The following PPAT variants were observed in gnomAD, a reference collection of about 807,000 sequenced individuals.
PPAT encodes amidophosphoribosyltransferase.
In PPAT, 20 loss-of-function variants were observed where a neutral mutation model predicts 60.2. The ratio of observed to expected loss-of-function variants is 0.33; its 90% confidence interval spans 0.23 to 0.48. The LOEUF is 0.48. Among genes scored for constraint, PPAT ranks in the 20% least tolerant of loss-of-function variants. PPAT has a pLI of 0.99. For synonymous variants in PPAT, 194 were observed against 215.1 expected, an observed-to-expected ratio of 0.90 and a Z score of 0.86; for missense variants, 349 against 629.6, an observed-to-expected ratio of 0.55 and a Z score of 4.77.
At chr4:56,419,391 T>C (rs569830823) in intron 1 of PPAT, among the ~76,000 whole-genome samples, 2 of 152,230 alleles carry the variant, frequency 1.3e-5, no homozygotes, top group Non-Finnish European at 2.9e-5. Context: ...GATCAAAATA[T>C]GACTAAAAAA....
Position 56,435,389 on chromosome 4 carries a change from G to A in PPAT, c.89C>T (p.Pro30Leu), listed in dbSNP as rs1717852656. Reference protein sequence around the residue: ...SGEWPTQLDVPHVITLGLVGL... With the variant: ...SGEWPTQLDVLHVITLGLVGL... ...CACGAGTCCCAGAGTGATCACATGC[G>A]GTACATCCAGCTGCGTGGGCCACTC... Residue 30 changes from proline to leucine, a missense_variant, in exon 1 of 11, where the codon CCG becomes CTG. Coordinates refer to ENST00000264220, the MANE Select transcript of PPAT (RefSeq NM_002703.5). The A allele has an allele frequency of 6.2e-7, 1 of 1,613,544 alleles. No homozygotes were observed. Among genetic ancestry groups the A allele is most frequent in the African/African-American group, 1.3e-5 (1 of 74,812 alleles).
At chr4:56,418,349 T>A (rs1716878120) in intron 1 of PPAT, among the ~76,000 whole-genome samples, 3 of 152,040 alleles carry the variant, frequency 2.0e-5, no homozygotes, top group Admixed American at 1.3e-4. Flanking sequence ...AGACAGGGTC[T>A]CACTCTTTTG....
intron 8 of PPAT, chr4:56,400,405 G>A (rs1716082717): frequency 6.3e-6 from 1 of 158,018 alleles, no homozygotes; most frequent in Admixed American, 6.4e-5. Flanking sequence ...GTCAACAGTA[G>A]GTTATCAGTA....
At chr4:56,424,201 A>G (rs1334041847) in intron 1 of PPAT, among the ~76,000 whole-genome samples, 1 of 152,236 alleles carries the variant, frequency 6.6e-6, no homozygotes, top group African/African-American at 2.4e-5. Context: ...AATGTATGCT[A>G]TAAGCCATAA....
intron 1 of PPAT, among the ~76,000 whole-genome samples, chr4:56,415,305 C>T (rs1019334818): frequency 1.2e-4 from 19 of 152,052 alleles, no homozygotes; most frequent in African/African-American, 3.9e-4. Flanking sequence ...GATACTTATC[C>T]GCCTCCCAAT....
In PPAT at chr4:56,402,220, A is replaced by C. The variant is rs1356350809; in HGVS notation, c.662-39T>G. The C allele has an allele frequency of 3.4e-6, 5 of 1,479,104 alleles. No individual in the cohort carries two copies. The African/African-American group carries it at 7.0e-5, about 21-fold the overall frequency. 91.6% of individuals were successfully genotyped at this position (1,479,104 alleles called of 1,614,324 possible). ...ATCAATTCAATTAATGGATTCCAGA[A>C]ATTTTAAGAGGCTATTTCAATGGAA... On this transcript the variant is annotated intron_variant, in intron 5 of 10. Transcript: ENST00000264220.
intron 1 of PPAT, among the ~76,000 whole-genome samples, chr4:56,432,787 C>CA (rs5858378): frequency 0.037 from 3,035 of 82,326 alleles, 123 homozygotes; most frequent in African/African-American, 0.11. Flanking sequence ...GACTCTGTCT[C>CA]AAAAAAAAAA....
At chr4:56,411,748 G>C (rs954647422) in intron 1 of PPAT, among the ~76,000 whole-genome samples, 2 of 152,090 alleles carry the variant, frequency 1.3e-5, no homozygotes, top group Non-Finnish European at 1.5e-5. Flanking sequence ...ACCTCAAAAA[G>C]GACAGAACTG....
chr4:56,428,554 A>G (rs949713112), intron 1 of PPAT, among the ~76,000 whole-genome samples: 2 of 152,196 alleles, frequency 1.3e-5, no homozygotes, highest in Non-Finnish European at 2.9e-5. Flanking sequence ...GATTTTATGA[A>G]GAAGTTGACT....
At chr4:56,397,121 C>T (rs1057290998) in intron 9 of PPAT, among the ~76,000 whole-genome samples, 8 of 147,266 alleles carry the variant, frequency 5.4e-5, no homozygotes, top group African/African-American at 2.0e-4. Context: ...TCATCAGGTA[C>T]GTTTACATGG....
chr4:56,410,438 T>C (rs1407931072), intron 1 of PPAT: 10 of 792,302 alleles, frequency 1.3e-5, no homozygotes, highest in Non-Finnish European at 1.1e-5. Flanking sequence ...TCGGAGCTTA[T>C]TGACAACCAG....
intron 1 of PPAT, chr4:56,428,986 G>C: frequency 1.0e-6 from 1 of 978,404 alleles, no homozygotes; most frequent in Non-Finnish European, 1.2e-6. Flanking sequence ...TGAGCTTCAA[G>C]AGAAAAGCAC....
intron 5 of PPAT, 152 bp downstream of exon 5, chr4:56,402,888 C>G: frequency 2.9e-6 from 1 of 348,696 alleles, no homozygotes; most frequent in Admixed American, 4.9e-5. Flanking sequence ...AAGAAACGTA[C>G]TTTAAAAAGG....
intron 1 of PPAT, chr4:56,408,434 CA>C (rs34049939): frequency 0.48 from 47,683 of 100,232 alleles, 9,204 homozygotes; most frequent in South Asian, 0.57. Flanking sequence ...GACTCCGTCT[CA>C]AAAAAAAAAA....
intron 1 of PPAT, among the ~76,000 whole-genome samples, chr4:56,430,782 A>G (rs931589751): frequency 6.6e-6 from 1 of 151,742 alleles, no homozygotes; most frequent in Non-Finnish European, 1.5e-5. Context: ...ACCTTACAAT[A>G]TATAAGTCTA....
rs6834384 is a variant in PPAT at position 56,401,081 on chromosome 4, T to A, written c.887-170A>T. 0.039 allele frequency among the ~76,000 whole-genome samples: 5,834 copies of A among 150,466 alleles called. 152 individuals are homozygous for A. Among genetic ancestry groups the A allele is most frequent in the Admixed American group, 0.09 (1,352 of 15,102 alleles). On this transcript the variant is annotated intron_variant, in intron 7 of 10. Transcript: ENST00000264220. ...ACTGGGGAACTCAACTGTGTGGTTTTAAAAAAAAAATCGACCTTCATATAG... is the reference window on the plus strand; with the variant it reads ...ACTGGGGAACTCAACTGTGTGGTTTAAAAAAAAAAATCGACCTTCATATAG...
At chr4:56,431,918 C>A (rs1486019546) in intron 1 of PPAT, among the ~76,000 whole-genome samples, 1 of 152,098 alleles carries the variant, frequency 6.6e-6, no homozygotes, top group African/African-American at 2.4e-5. Context: ...CACATGCATG[C>A]ACAGTTTACA....
At chr4:56,417,262 CAA>C (rs540365664) in intron 1 of PPAT, among the ~76,000 whole-genome samples, 182 of 151,734 alleles carry the variant, frequency 1.2e-3, no homozygotes, top group African/African-American at 4.1e-3. Flanking sequence ...CATTACAAAG[CAA>C]AGACATTAAA....
chr4:56,434,369 TAACTG>T (rs929075439), intron 1 of PPAT, among the ~76,000 whole-genome samples: 51 of 152,236 alleles, frequency 3.4e-4, no homozygotes, highest in African/African-American at 1.2e-3. Flanking sequence ...CCAAGTTCCT[TAACTG>T]TAGTGTAAGT....
Sources: allele counts gnomAD v4.1 joint callset (sites outside exome capture counted in the v4.1 genomes callset), GRCh38; gene constraint gnomAD v4.1.1; transcripts MANE v1.5; gene names NCBI Gene and HGNC (gene_info 2026-07-23, HGNC 2026-07-21).